Variants in FAT2 observed in about 807,000 individuals in gnomAD.
FAT2 encodes the protein FAT atypical cadherin 2, also known as protocadherin Fat 2.
In FAT2, 150 loss-of-function variants were observed where a neutral mutation model predicts 295.3. The ratio of observed to expected loss-of-function variants is 0.51; its 90% confidence interval spans 0.44 to 0.58. FAT2 has a LOEUF of 0.58. Ranked by LOEUF, FAT2 falls within the 20% of genes least tolerant of loss-of-function variation. The pLI is 0.00. For missense variants in FAT2, 4,868 were observed against 5,442.7 expected, an observed-to-expected ratio of 0.89 and a Z score of 3.32; for synonymous variants, 2,026 against 2,150.3, an observed-to-expected ratio of 0.94 and a Z score of 1.60.
rs749245826 is a variant in FAT2 at position 151,566,126 on chromosome 5, C to G, written c.2806G>C (p.Glu936Gln). The G allele has an allele frequency of 2.5e-6, 4 of 1,614,156 alleles. No homozygotes were observed. Among genetic ancestry groups the G allele is most frequent in the Non-Finnish European group, 3.4e-6 (4 of 1,180,018 alleles). Reference protein sequence around the residue: ...ITEHNRLKVPEDLPPGTVLTF... With the variant: ...ITEHNRLKVPQDLPPGTVLTF... ...AAGACAGTCCCGGGGGGCAGGTCCT[C>G]TGGAACCTTCAGCCTGTTGTGTTCT... The change falls in exon 2 of 24, where the codon GAG (glutamate) becomes CAG (glutamine). Residue 936 changes from glutamate (E) to glutamine (Q), a missense_variant. Physicochemically the swap from Glu to Gln is conservative, Grantham distance 29. This residue lies in a region of FAT2 where 3,297 missense variants were observed against 3,669.4 expected (regional missense o/e 0.90). Transcript: ENST00000261800.
In FAT2 at chr5:151,567,182, T is replaced by A. The variant is rs112752342; in HGVS notation, c.1750A>T (p.Met584Leu). Reference protein sequence around the residue: ...RQDWPVGKSIMTMSAIDVDEL... With the variant: ...RQDWPVGKSILTMSAIDVDEL... Reference sequence around the variant, plus strand: ...TCCACATCTATGGCTGACATAGTCATTATCGATTTCCCTACTGGCCAGTCT... The same window carrying A: ...TCCACATCTATGGCTGACATAGTCAATATCGATTTCCCTACTGGCCAGTCT... Residue 584 changes from methionine (M) to leucine (L), a missense_variant, in exon 2 of 24, where the codon ATG becomes TTG. By Grantham distance (15) the Met-to-Leu change is conservative. Transcript: ENST00000261800. The A allele has an allele frequency of 1.3e-4, 215 of 1,614,172 alleles. 2 individuals carry two copies. The African/African-American group carries it at 2.4e-3, about 18-fold the overall frequency.
In FAT2 at chr5:151,567,413, T is replaced by A; in HGVS notation, c.1519A>T (p.Ile507Phe). 6.2e-7 allele frequency: 1 copy of A among 1,614,174 alleles called. No individual in the cohort carries two copies. ...GAGATGATCCCCAGGTAGGGGTCAATAGAAAATGGCAAAGCTTTTGGTCCA... is the reference window on the plus strand; with the variant it reads ...GAGATGATCCCCAGGTAGGGGTCAAAAGAAAATGGCAAAGCTTTTGGTCCA... ...IAGPKALPFSIDPYLGIISTS... is the reference protein window; with the variant it reads ...IAGPKALPFSFDPYLGIISTS... The change falls in exon 2 of 24, where the codon ATT becomes TTT. Residue 507 changes from isoleucine (I) to phenylalanine (F), a missense_variant. By Grantham distance (21) the Ile-to-Phe change is conservative (BLOSUM62 0). Around this residue, in one of 5 missense-constraint regions of FAT2, gnomAD observed 3,297 missense variants for 3,669.4 expected, o/e 0.90. Transcript: ENST00000261800.
intron 3 of FAT2, among the ~76,000 whole-genome samples, chr5:151,559,137 T>C (rs1190041471): frequency 6.6e-6 from 1 of 152,130 alleles, no homozygotes; most frequent in Non-Finnish European, 1.5e-5. Flanking sequence ...GAACAGGGAT[T>C]CAGTTCTGGG....
intron 4 of FAT2, 33 bp from the exon 5 acceptor site, chr5:151,554,706 T>C (rs2127631986): frequency 6.5e-7 from 1 of 1,545,872 alleles, no homozygotes; most frequent in Non-Finnish European, 8.8e-7. Context: ...GCACCTGAGC[T>C]GACAATTGCA....
chr5:151,523,206 C>T (rs1405712288), intron 18 of FAT2, among the ~76,000 whole-genome samples: 2 of 152,112 alleles, frequency 1.3e-5, no homozygotes, highest in African/African-American at 4.8e-5. Context: ...TTAATAGCAA[C>T]AATAATAATT....
At chr5:151,534,970 A>AAAATATATATAT (rs1554127245) in intron 12 of FAT2, among the ~76,000 whole-genome samples, 3 of 106,418 alleles carry the variant, frequency 2.8e-5, no homozygotes, top group East Asian at 6.5e-4. Context: ...CTTCTAGGAA[A>AAAATATATATAT]ATATATATAT....
intron 1 of FAT2, among the ~76,000 whole-genome samples, chr5:151,570,977 C>A (rs996762090): frequency 2.6e-5 from 4 of 152,078 alleles, no homozygotes; most frequent in Non-Finnish European, 4.4e-5. Flanking sequence ...TATGTCCCAC[C>A]CTTCGAGCTT....
chr5:151,562,573 C>T (rs367712024), intron 3 of FAT2, among the ~76,000 whole-genome samples: 1 of 152,172 alleles, frequency 6.6e-6, no homozygotes, highest in Non-Finnish European at 1.5e-5. Flanking sequence ...CAGCTGTTGG[C>T]TCCGGGCCAC....
chr5:151,505,357 G>A lies in FAT2; in HGVS notation c.*208C>T, dbSNP rs1760755448. ...AATGCCCCTCTCCTGGGACCCTAGT[G>A]CTGTTTCTGGAGCTCTATCCTCAGC... On this transcript the variant is annotated 3_prime_UTR_variant, in exon 24 of 24. Transcript: ENST00000261800. The A allele has an allele frequency of 1.6e-6, 1 of 624,378 alleles. No homozygotes were observed. The highest frequency in any genetic ancestry group is 1.8e-5 in the African/African-American group (1 of 54,142). 38.7% of individuals were successfully genotyped at this position (624,378 alleles called of 1,614,324 possible). A position where few individuals can be genotyped will look rare whatever the true frequency, so the allele number is the denominator to read the frequency against.
chr5:151,577,217 A>C (rs1758780671), intron 1 of FAT2, among the ~76,000 whole-genome samples: 1 of 152,246 alleles, frequency 6.6e-6, no homozygotes, highest in Non-Finnish European at 1.5e-5. Context: ...TAGAGCCCTC[A>C]AAAGTCATAG....
At chr5:151,590,079 C>T (rs1759339905) in intron 1 of FAT2, among the ~76,000 whole-genome samples, 1 of 152,176 alleles carries the variant, frequency 6.6e-6, no homozygotes, top group African/African-American at 2.4e-5. Context: ...GATTTGAAAC[C>T]TCAAAAATTT....
intron 3 of FAT2, among the ~76,000 whole-genome samples, chr5:151,558,575 G>T (rs776811079): frequency 2.0e-5 from 3 of 151,554 alleles, no homozygotes; most frequent in Non-Finnish European, 2.9e-5. Flanking sequence ...TCTCACCACT[G>T]CACTCCAGCC....
At chr5:151,515,629 T>G (rs924567336) in intron 20 of FAT2, among the ~76,000 whole-genome samples, 2 of 152,192 alleles carry the variant, frequency 1.3e-5, no homozygotes, top group Non-Finnish European at 2.9e-5. Context: ...CTACTTGCCT[T>G]CTCTCCCACC....
Position 151,542,354 on chromosome 5 carries a change from C to T in FAT2, c.8773G>A (p.Val2925Met). ...VVENSEPGEL[V>M]ATLKTLDADI... The stretch of plus-strand genomic sequence containing the variant: ...GCATCCAGGGTCTTTAGAGTCGCCA[C>T]CAGTTCGCCAGGCTCACTGTTCTCA... Residue 2925 changes from valine to methionine, a missense_variant, in exon 10 of 24, where the codon GTG becomes ATG. Coordinates refer to ENST00000261800, the MANE Select transcript of FAT2 (RefSeq NM_001447.3). 6.2e-7 allele frequency: 1 copy of T among 1,614,072 alleles called. No homozygotes were observed.
rs376238637 is a variant in FAT2 at position 151,568,362 on chromosome 5, C to T, written c.570G>A (p.Arg190=). The T allele has an allele frequency of 2.9e-5, 47 of 1,614,110 alleles. No homozygotes were observed. In the East Asian group the frequency reaches 5.1e-4, roughly 18 times the overall value. ...TGGGATGGATGGCAAACATCTCTGA[C>T]CTTGTGTTAAAGGCATAATAGAACT... ...NAEFYYAFNT[R]SEMFAIHPTS... is the part of the protein sequence containing the mutation. The change falls in exon 2 of 24, where the codon AGG becomes AGA. Residue 190 remains arginine, a synonymous_variant. Coordinates refer to ENST00000261800, the MANE Select transcript of FAT2 (RefSeq NM_001447.3).
chr5:151,521,379 A>T lies in FAT2; in HGVS notation c.11214T>A (p.His3738Gln), dbSNP rs759462201. Residue 3738 changes from histidine (H) to glutamine (Q), a missense_variant, in exon 19 of 24, where the codon CAT (histidine) becomes CAA (glutamine). Physicochemically the swap from His to Gln is conservative, Grantham distance 24. Transcript: ENST00000261800. The stretch of plus-strand genomic sequence containing the variant: ...CCTTGGGGTCCAGATGCACTGTGTT[A>T]TGGCAGATTTGACCCTGGCAGGTTG... ...QGPTCQGQIC[H>Q]NTVHLDPKVG... 1.2e-5 allele frequency: 19 copies of T among 1,614,060 alleles called. No individual in the cohort carries two copies. The Admixed American group carries it at 2.2e-4, about 18-fold the overall frequency.
rs146222944 is a variant in FAT2, at chr5:151,521,825, C to T, written c.10768G>A (p.Ala3590Thr). ...TAGTGGCCACGAGGCAGGCCCTGGG[C>T]GGCGATAATCTTGCCATCAGGCGCA... The part of the protein sequence containing the change: ...VGAPDGKIIA[A>T]QGLPRGHYSF... The change falls in exon 19 of 24, where the codon GCC (alanine) becomes ACC (threonine). Residue 3590 changes from alanine (A) to threonine (T), a missense_variant. Transcript: ENST00000261800. The T allele has an allele frequency of 1.5e-5, 24 of 1,613,978 alleles. No individual in the cohort carries two copies. The African/African-American group carries it at 1.6e-4, about 11-fold the overall frequency.
intron 1 of FAT2, among the ~76,000 whole-genome samples, chr5:151,581,190 C>T (rs984679982): frequency 1.2e-4 from 18 of 152,144 alleles, no homozygotes; most frequent in African/African-American, 2.4e-4. Context: ...GACAGAGGCT[C>T]GGTCTCTTCA....
At position 151,512,884 on chromosome 5, in the gene FAT2, C is replaced by G; in HGVS notation, c.11464-278G>C. 1 of 461,572 alleles carries G rather than the reference C, an allele frequency of 2.2e-6. No individual in the cohort carries two copies. The highest frequency in any genetic ancestry group is 2.6e-5 in the South Asian group (1 of 38,164). 28.6% of individuals were successfully genotyped at this position (461,572 alleles called of 1,614,324 possible). ...TGAGGCCGAGAGATGCTTTGCTGAT[C>G]AAGACCCTGTATTTTGGATGCTTCT... is the stretch of plus-strand genomic sequence containing the variant. On this transcript the variant is annotated intron_variant, in intron 20 of 23. Transcript: ENST00000261800. This position sits in a 1 kb window ranked among gnomAD's most constrained non-coding sequence, Gnocchi z 4.1.
Sources: allele counts gnomAD v4.1 joint callset (sites outside exome capture counted in the v4.1 genomes callset), GRCh38; gene constraint gnomAD v4.1.1; regional missense constraint gnomAD v4.1.1; non-coding constraint Gnocchi (gnomAD v3.1); transcripts MANE v1.5; gene names NCBI Gene and HGNC (gene_info 2026-07-23, HGNC 2026-07-21).